EYS: variants seen among roughly 807,000 people sequenced by gnomAD.
EYS encodes EGF-like photoreceptor maintenance factor, also known as protein eyes shut homolog.
EYS carries 250 observed loss-of-function variants against 282.1 expected under a neutral mutation model. The observed-to-expected ratio is 0.89, with a 90% CI of 0.80 to 0.98. The LOEUF is 0.98. Ranked by LOEUF, EYS falls within the 50% of genes least tolerant of loss-of-function variation. EYS has a pLI of 0.00. For synonymous variants in EYS, 1,355 were observed against 1,282.9 expected, an observed-to-expected ratio of 1.06 and a Z score of -1.20; for missense variants, 4,016 against 3,709.0, an observed-to-expected ratio of 1.08 and a Z score of -2.15.
rs376668135 is a variant in EYS at position 64,204,021 on chromosome 6, G to C, written c.6424+26571C>G. Among the ~76,000 whole-genome samples, 15 of 152,122 alleles carry C rather than the reference G, an allele frequency of 9.9e-5. 1 individual carries two copies. The highest frequency in any genetic ancestry group is 3.6e-4 in the African/African-American group (15 of 41,510). On this transcript the variant is annotated intron_variant, in intron 31 of 42. Transcript: ENST00000503581. ...CAAGGTTCTTATCTTTCTACCTTAA[G>C]AATTAAATCACATTTGACTATATAT...
Position 65,167,304 on chromosome 6 carries a change from C to A in EYS, c.2024-109577G>T, listed in dbSNP as rs147335502. Among the ~76,000 whole-genome samples, 482 of 151,314 alleles carry A rather than the reference C, an allele frequency of 3.2e-3. 3 individuals carry two copies. Among genetic ancestry groups the A allele is most frequent in the African/African-American group, 0.011 (448 of 41,418 alleles). On this transcript the variant is annotated intron_variant, in intron 12 of 42. Coordinates refer to ENST00000503581, the MANE Select transcript of EYS (RefSeq NM_001142800.2). ...GATGCATACAAGGGAATATATCCAA[C>A]AGTTATTTTAAAAGATGAATGGATT...
chr6:63,725,274 C>T (rs796667607), intron 42 of EYS, among the ~76,000 whole-genome samples: 1 of 152,064 alleles, frequency 6.6e-6, no homozygotes, highest in Admixed American at 6.6e-5. Context: ...AAGATGTGCT[C>T]TTGCCCTCCT....
chr6:63,780,823 T>C (rs1056233634), intron 39 of EYS, among the ~76,000 whole-genome samples: 1 of 152,186 alleles, frequency 6.6e-6, no homozygotes, highest in Non-Finnish European at 1.5e-5. Flanking sequence ...AGTCCTTGCC[T>C]ATGCCTATGT....
intron 22 of EYS, among the ~76,000 whole-genome samples, chr6:64,806,103 C>A (rs1764414300): frequency 6.6e-6 from 1 of 151,546 alleles, no homozygotes; most frequent in South Asian, 2.1e-4. Context: ...TTGAATCTCT[C>A]CATGTTGTGA....
intron 11 of EYS, among the ~76,000 whole-genome samples, chr6:65,313,259 A>G (rs1352239508): frequency 6.6e-6 from 1 of 151,778 alleles, no homozygotes; most frequent in East Asian, 2.0e-4. Context: ...ATCTTTTGTC[A>G]TGGCTCTAAA....
chr6:63,772,864 G>A (rs1769966792), intron 40 of EYS, among the ~76,000 whole-genome samples: 1 of 151,880 alleles, frequency 6.6e-6, no homozygotes, highest in Non-Finnish European at 1.5e-5. Context: ...TTGTGTGTGT[G>A]TAATCTTGCA....
Position 65,397,250 on chromosome 6 carries a change from G to GT in EYS, c.1184+5227dup, listed in dbSNP as rs766869744. 6.6e-5 allele frequency among the ~76,000 whole-genome samples: 10 copies of GT among 151,662 alleles called. No individual in the cohort carries two copies. The East Asian group carries it at 7.8e-4, about 12-fold the overall frequency. On this transcript the variant is annotated intron_variant, in intron 7 of 42. Transcript: ENST00000503581. ...AGTGCAGTTTTTTGTTTGTTTGCTT[G>GT]TTTTTTGTTATTTTAACATGGGTAT...
intron 22 of EYS, among the ~76,000 whole-genome samples, chr6:64,690,045 A>G (rs2149913564): frequency 6.6e-6 from 1 of 152,138 alleles, no homozygotes; most frequent in South Asian, 2.1e-4. Flanking sequence ...CAGGCAACCT[A>G]CAGAATGGGA....
intron 31 of EYS, among the ~76,000 whole-genome samples, chr6:64,207,823 A>C (rs541107204): frequency 6.6e-6 from 1 of 152,124 alleles, no homozygotes; most frequent in African/African-American, 2.4e-5. Context: ...ACACCCGGCT[A>C]ATTTTTGTAT....
chr6:64,926,608 C>A (rs1050468375), intron 15 of EYS, among the ~76,000 whole-genome samples: 2 of 152,156 alleles, frequency 1.3e-5, no homozygotes, highest in Non-Finnish European at 2.9e-5. Context: ...TCTGCTGGAG[C>A]CTGCCACATG....
At position 65,694,391 on chromosome 6, in the gene EYS, A is replaced by ATTTTT. The variant is rs139263235; in HGVS notation, c.-448+12739_-448+12743dup. Among the ~76,000 whole-genome samples the ATTTTT allele has an allele frequency of 7.8e-4, 113 of 145,430 alleles. 8 individuals are homozygous for ATTTTT. The highest frequency in any genetic ancestry group is 1.7e-3 in the South Asian group (8 of 4,586). ...ATCATATTGCCATTTGATTCTTCAT[A>ATTTTT]TTTTTTTTTTGTCTCTTGAAGTTGT... On this transcript the variant is annotated intron_variant, in intron 1 of 42. Transcript: ENST00000503581.
intron 14 of EYS, among the ~76,000 whole-genome samples, chr6:64,994,895 G>T (rs1293480319): frequency 6.6e-6 from 1 of 152,072 alleles, no homozygotes; most frequent in Admixed American, 6.6e-5. Flanking sequence ...CAAAATTCAG[G>T]GCTCAAGCCT....
rs1417529940 is a variant in EYS, at chr6:63,731,631, A to G, written c.8072-4951T>C. The stretch of plus-strand genomic sequence containing the variant: ...CTCAGAGATTCTAGTTTTGCATTCT[A>G]TATTTTTTTACCATAAATTTGTATG... On this transcript the variant is annotated intron_variant, in intron 41 of 42. Coordinates refer to ENST00000503581, the MANE Select transcript of EYS (RefSeq NM_001142800.2). Among the ~76,000 whole-genome samples the G allele has an allele frequency of 4.6e-5, 7 of 152,140 alleles. No individual in the cohort carries two copies. In the East Asian group the frequency reaches 5.8e-4, roughly 13 times the overall value.
intron 12 of EYS, 117 bp from the exon 13 acceptor site, chr6:65,057,844 T>A: frequency 1.5e-6 from 1 of 683,448 alleles, no homozygotes; most frequent in South Asian, 1.8e-5. Flanking sequence ...GAAACCAAAT[T>A]TATTAGATAA....
chr6:64,270,917 T>G (rs1767921977), intron 30 of EYS, among the ~76,000 whole-genome samples: 1 of 152,212 alleles, frequency 6.6e-6, no homozygotes, highest in South Asian at 2.1e-4. Flanking sequence ...AAATGGTGTA[T>G]GTACACTGTA....
intron 2 of EYS, among the ~76,000 whole-genome samples, chr6:65,603,243 G>A (rs1309909486): frequency 1.3e-5 from 2 of 151,852 alleles, no homozygotes; most frequent in Admixed American, 6.6e-5. Context: ...AGAGCTACAG[G>A]AATCCTAGTG....
chr6:65,549,588 CA>C (rs1489312870), intron 2 of EYS, among the ~76,000 whole-genome samples: 2 of 152,156 alleles, frequency 1.3e-5, no homozygotes, highest in African/African-American at 4.8e-5. Context: ...AGTGCACTCC[CA>C]CAGGGTACCA....
chr6:63,900,295 T>A (rs1773627954), intron 35 of EYS, among the ~76,000 whole-genome samples: 3 of 152,172 alleles, frequency 2.0e-5, no homozygotes, highest in South Asian at 2.1e-4. Context: ...TATATACAGT[T>A]TTGGTGGTGC....
chr6:65,029,295 G>A (rs1397213019), intron 13 of EYS, among the ~76,000 whole-genome samples: 2 of 151,992 alleles, frequency 1.3e-5, no homozygotes, highest in Non-Finnish European at 2.9e-5. Context: ...TAGGAAATAT[G>A]TGCATGTGTG....
Sources: allele counts gnomAD v4.1 joint callset (sites outside exome capture counted in the v4.1 genomes callset), GRCh38; gene constraint gnomAD v4.1.1; transcripts MANE v1.5; gene names NCBI Gene and HGNC (gene_info 2026-07-23, HGNC 2026-07-21).